NFIB: variants seen among roughly 807,000 people sequenced by gnomAD.
The protein encoded by NFIB is nuclear factor I B.
In NFIB, 11 loss-of-function variants were observed where a neutral mutation model predicts 61.5. That is an observed-to-expected ratio of 0.18 (90% confidence interval 0.11 to 0.30). The LOEUF (loss-of-function observed/expected upper bound fraction) is 0.30, where lower values mean the gene tolerates loss of function less well. Among genes scored for constraint, NFIB ranks in the 10% least tolerant of loss-of-function variants. The pLI, the probability that NFIB is intolerant of heterozygous loss-of-function variation, is 1.00. For missense variants in NFIB, 471 were observed against 608.9 expected (o/e 0.77, Z 2.38); for synonymous variants, 260 against 216.5 (o/e 1.20, Z -1.76).
chr9:14,484,260 A>G, the NFIB span, among the ~76,000 whole-genome samples: 8 of 152,240 alleles, frequency 5.3e-5, no homozygotes, highest in Non-Finnish European at 1.2e-4. Flanking sequence ...GAGTAGCAGC[A>G]TTCATCTTCT....
At chr9:14,269,927 AAAC>A (rs2057479295) in intron 2 of NFIB, among the ~76,000 whole-genome samples, 1 of 152,198 alleles carries the variant, frequency 6.6e-6, no homozygotes, top group African/African-American at 2.4e-5. Flanking sequence ...AACTGAATAA[AAAC>A]AAAATGGCAA....
intron 10 of NFIB, among the ~76,000 whole-genome samples, chr9:14,109,889 A>C (rs2037083869): frequency 1.3e-5 from 2 of 152,106 alleles, no homozygotes; most frequent in Non-Finnish European, 2.9e-5. Flanking sequence ...GTCAGAATAA[A>C]CTAGTATTCC....
At chr9:14,467,373 T>C in the NFIB span, among the ~76,000 whole-genome samples, 1 of 152,054 alleles carries the variant, frequency 6.6e-6, no homozygotes, top group Non-Finnish European at 1.5e-5. Flanking sequence ...AGCAAAGTTA[T>C]TAAGAAGCCT....
At chr9:14,511,259 T>A in the NFIB span, among the ~76,000 whole-genome samples, 1 of 150,350 alleles carries the variant, frequency 6.7e-6, no homozygotes, top group Non-Finnish European at 1.5e-5. Flanking sequence ...TCGTTTATAT[T>A]TTTTTGTGTG....
At chr9:14,318,329 G>C (rs1035811709), upstream of NFIB, among the ~76,000 whole-genome samples, 1 of 152,108 alleles carries the variant, frequency 6.6e-6, no homozygotes, top group African/African-American at 2.4e-5. Context: ...TACCACATTT[G>C]AGCCTTTCAC....
chr9:14,088,028 C>T lies in NFIB; in HGVS notation c.*281G>A. ...GACCCTTTTTATGTCATTACAGTTT[C>T]AACCTTAAGGGAATTAGTGATTGTA... On this transcript the variant is annotated 3_prime_UTR_variant, in exon 11 of 11. Coordinates refer to ENST00000380953, the MANE Select transcript of NFIB (RefSeq NM_001190737.2). 1.9e-6 allele frequency: 1 copy of T among 514,014 alleles called. No homozygotes were observed. Among genetic ancestry groups the T allele is most frequent in the Non-Finnish European group, 3.0e-6 (1 of 334,806 alleles). The allele number at this position is 514,014 out of a possible 1,614,324, so 31.8% of individuals were successfully genotyped here. A position where few individuals can be genotyped will look rare whatever the true frequency, so the allele number is the denominator to read the frequency against.
intron 1 of NFIB, among the ~76,000 whole-genome samples, chr9:14,343,260 G>A (rs1045933323): frequency 6.6e-6 from 1 of 152,176 alleles, no homozygotes; most frequent in Non-Finnish European, 1.5e-5. Flanking sequence ...TTCTCTTGAA[G>A]GGGAATTGAA....
chr9:14,356,539 G>A (rs138783786), intron 1 of NFIB, among the ~76,000 whole-genome samples: 1,801 of 152,180 alleles, frequency 0.012, 24 homozygotes, highest in Non-Finnish European at 0.018. Context: ...GTGCAGCCCC[G>A]TGTAAAAACA....
chr9:14,214,109 T>C (rs1344033177), intron 2 of NFIB, among the ~76,000 whole-genome samples: 2 of 152,134 alleles, frequency 1.3e-5, no homozygotes, highest in South Asian at 2.1e-4. Context: ...GGCCACATCC[T>C]AGCCCCCCAT....
the NFIB span, among the ~76,000 whole-genome samples, chr9:14,508,652 C>T: frequency 1.3e-5 from 2 of 152,204 alleles, no homozygotes; most frequent in South Asian, 4.1e-4. Context: ...TGGAAGCAAG[C>T]CCGAATGGGA....
chr9:14,181,281 T>A (rs1458482306), intron 2 of NFIB, among the ~76,000 whole-genome samples: 2 of 152,212 alleles, frequency 1.3e-5, no homozygotes, highest in Non-Finnish European at 2.9e-5. Flanking sequence ...TTTCATGAGA[T>A]CTTGGCAGGC....
In NFIB at chr9:14,146,005, C is replaced by G. The variant is rs563772960; in HGVS notation, c.925+684G>C. Reference sequence around the variant, plus strand: ...GTTAGCTAATTTTTCTATTTCCATGCTTAATAATCTCCCTCTGATTGTGGG... The same window carrying G: ...GTTAGCTAATTTTTCTATTTCCATGGTTAATAATCTCCCTCTGATTGTGGG... On this transcript the variant is annotated intron_variant, in intron 6 of 10. Transcript: ENST00000380953. Among the ~76,000 whole-genome samples the G allele has an allele frequency of 1.7e-3, 265 of 152,142 alleles. 2 individuals are homozygous for G. Among genetic ancestry groups the G allele is most frequent in the Middle Eastern group, 3.4e-3 (1 of 292 alleles).
the NFIB span, among the ~76,000 whole-genome samples, chr9:14,505,321 T>C: frequency 2.6e-5 from 4 of 152,224 alleles, no homozygotes; most frequent in Non-Finnish European, 4.4e-5. Flanking sequence ...TTTTCTTTTT[T>C]TGTTATGTCC....
At chr9:14,344,689 C>G (rs2060998185) in intron 1 of NFIB, among the ~76,000 whole-genome samples, 1 of 151,808 alleles carries the variant, frequency 6.6e-6, no homozygotes, top group Admixed American at 6.6e-5. Flanking sequence ...CAAGAATAAA[C>G]GGGTCGATTT....
the NFIB span, among the ~76,000 whole-genome samples, chr9:14,427,083 G>A: frequency 1.3e-5 from 2 of 152,154 alleles, no homozygotes; most frequent in Non-Finnish European, 2.9e-5. Flanking sequence ...AGGGTTAAAT[G>A]CATATGTGTA....
rs71321975 is a variant in NFIB at position 14,274,251 on chromosome 9, T to TACACACACACACACACAC, written c.562+32720_562+32737dup. Among the ~76,000 whole-genome samples, 815 of 123,996 alleles carry TACACACACACACACACAC rather than the reference T, an allele frequency of 6.6e-3. 27 individuals carry two copies. The highest frequency in any genetic ancestry group is 0.018 in the East Asian group (69 of 3,888). The allele number at this position is 123,996 out of a possible 152,430, so 81.3% of individuals were successfully genotyped here. A position where few individuals can be genotyped will look rare whatever the true frequency, so the allele number is the denominator to read the frequency against. The stretch of plus-strand genomic sequence containing the variant: ...TTCTCTCTCTAGCATTCTTCCTCCC[T>TACACACACACACACACAC]ACACACACACACACACACACACACA... On this transcript the variant is annotated intron_variant, in intron 2 of 10. Coordinates refer to ENST00000380953, the MANE Select transcript of NFIB (RefSeq NM_001190737.2).
upstream of NFIB, among the ~76,000 whole-genome samples, chr9:14,399,567 T>C (rs1055393474): frequency 3.3e-5 from 5 of 152,302 alleles, 1 homozygote; most frequent in East Asian, 7.7e-4. Flanking sequence ...ATTTTTAACG[T>C]TGCAAAGAAT....
intron 10 of NFIB, among the ~76,000 whole-genome samples, chr9:14,108,139 C>G (rs74985290): frequency 6.6e-6 from 1 of 152,010 alleles, no homozygotes; most frequent in East Asian, 1.9e-4. Flanking sequence ...GAAAAGTGAC[C>G]TCTTATCCAC....
At chr9:14,359,621 G>T (rs1009847497) in intron 1 of NFIB, among the ~76,000 whole-genome samples, 1 of 152,158 alleles carries the variant, frequency 6.6e-6, no homozygotes, top group Non-Finnish European at 1.5e-5. Flanking sequence ...TTGGAAATTT[G>T]TTATGGGAGC....
Sources: allele counts gnomAD v4.1 joint callset (sites outside exome capture counted in the v4.1 genomes callset), GRCh38; gene constraint gnomAD v4.1.1; transcripts MANE v1.5; gene names NCBI Gene and HGNC (gene_info 2026-07-23, HGNC 2026-07-21).